PLCG2: variants seen among roughly 807,000 people sequenced by gnomAD.
PLCG2 encodes phospholipase C gamma 2.
PLCG2 carries 69 observed loss-of-function variants against 175.6 expected under a neutral mutation model. That is an observed-to-expected ratio of 0.39 (90% CI 0.32 to 0.48). The LOEUF is 0.48. PLCG2 is among the 20% of genes least tolerant of loss of function. The pLI, the probability that PLCG2 is intolerant of heterozygous loss-of-function variation, is 0.91. For missense variants in PLCG2, 1,798 were observed against 1,650.9 expected, an observed-to-expected ratio of 1.09 and a Z score of -1.54; for synonymous variants, 827 against 624.0, an observed-to-expected ratio of 1.33 and a Z score of -4.85.
At chr16:81,797,523 C>T (rs576474712) in intron 2 of PLCG2, among the ~76,000 whole-genome samples, 1 of 152,302 alleles carries the variant, frequency 6.6e-6, no homozygotes, top group Non-Finnish European at 1.5e-5. Flanking sequence ...TGCTGGGAGG[C>T]CAGGGACCCT....
At chr16:81,932,681 C>G (rs757804174) in intron 25 of PLCG2, among the ~76,000 whole-genome samples, 8 of 152,232 alleles carry the variant, frequency 5.3e-5, no homozygotes, top group Non-Finnish European at 8.8e-5. Context: ...ACTCACTCAA[C>G]TCTTCTGCAG....
intron 1 of PLCG2, among the ~76,000 whole-genome samples, chr16:81,780,200 C>A (rs999955223): frequency 9.2e-5 from 14 of 152,122 alleles, no homozygotes; most frequent in African/African-American, 3.4e-4. Flanking sequence ...GGTGGCCTTG[C>A]CCGTCGGAAC....
chr16:81,869,849 T>C (rs996005318), intron 6 of PLCG2, among the ~76,000 whole-genome samples: 1 of 152,122 alleles, frequency 6.6e-6, no homozygotes, highest in Admixed American at 6.6e-5. Context: ...TGGGATATAG[T>C]AGAGCAGGTG....
intron 2 of PLCG2, among the ~76,000 whole-genome samples, chr16:81,773,479 C>T (rs941839523): frequency 6.6e-6 from 1 of 152,142 alleles, no homozygotes; most frequent in Non-Finnish European, 1.5e-5. Flanking sequence ...GGGTAAGAGG[C>T]AGAGCTGGGA....
chr16:81,858,864 GA>G (rs1906819889), intron 4 of PLCG2, among the ~76,000 whole-genome samples: 1 of 358 alleles, frequency 2.8e-3, no homozygotes, highest in African/African-American at 7.1e-3. Context: ...GCTTTTTGGG[GA>G]TTAAATGACT....
At position 81,934,434 on chromosome 16, in the gene PLCG2, C is replaced by A; in HGVS notation, c.2745C>A (p.Asn915Lys). ...EITWKIDTKE[N>K]NMKYWEKNQS... ...AGACAGTGAACTCCAAACAGGAGAA[C>A]AACATGAAGTACTGGGAGAAGAACC... The change falls in exon 26 of 33, where the codon AAC becomes AAA. Residue 915 changes from asparagine (N) to lysine (K), a missense_variant. Physicochemically the swap from Asn to Lys is moderately conservative, Grantham distance 94. Transcript: ENST00000564138. The A allele has an allele frequency of 6.2e-7, 1 of 1,608,316 alleles. No individual in the cohort carries two copies. Among genetic ancestry groups the A allele is most frequent in the East Asian group, 2.2e-5 (1 of 44,834 alleles).
intron 2 of PLCG2, among the ~76,000 whole-genome samples, chr16:81,810,678 A>G (rs1157873876): frequency 6.6e-6 from 1 of 151,876 alleles, no homozygotes; most frequent in East Asian, 1.9e-4. Flanking sequence ...TGCTCTTTAA[A>G]ATGGCCCTGA....
intron 2 of PLCG2, among the ~76,000 whole-genome samples, chr16:81,849,765 C>G (rs1485931926): frequency 3.8e-5 from 4 of 104,402 alleles, no homozygotes; most frequent in South Asian, 3.2e-4. Context: ...GAGCAAAACT[C>G]TGTCTCAAAA....
At chr16:81,885,399 A>C (rs1429730505) in intron 9 of PLCG2, among the ~76,000 whole-genome samples, 2 of 152,184 alleles carry the variant, frequency 1.3e-5, no homozygotes, top group Non-Finnish European at 2.9e-5. Flanking sequence ...CCTGGGCTCA[A>C]GTGACTCACC....
At chr16:81,752,143 G>A (rs1011710172) in intron 1 of PLCG2, among the ~76,000 whole-genome samples, 2 of 152,136 alleles carry the variant, frequency 1.3e-5, no homozygotes, top group Non-Finnish European at 1.5e-5. Flanking sequence ...CTATGAGCCT[G>A]CTGAGTGCTG....
intron 30 of PLCG2, among the ~76,000 whole-genome samples, chr16:81,944,985 G>C (rs559993229): frequency 4.7e-4 from 71 of 152,252 alleles, no homozygotes; most frequent in African/African-American, 1.6e-3. Context: ...AAAAACATAA[G>C]CCTCCCTTTG....
chr16:81,951,264 C>G (rs1911355370), intron 31 of PLCG2, among the ~76,000 whole-genome samples: 2 of 152,090 alleles, frequency 1.3e-5, no homozygotes, highest in Non-Finnish European at 2.9e-5. Flanking sequence ...GTGTCCAGCC[C>G]TCAAAAGACC....
intron 2 of PLCG2, among the ~76,000 whole-genome samples, chr16:81,807,667 C>G (rs1904287297): frequency 6.6e-6 from 1 of 152,172 alleles, no homozygotes; most frequent in Non-Finnish European, 1.5e-5. Flanking sequence ...CCCAGGGTCA[C>G]TGTATTAGTC....
chr16:81,934,414 G>T lies in PLCG2; in HGVS notation c.2740-15G>T, dbSNP rs746939658. On this transcript the variant is annotated splice_polypyrimidine_tract_variant and intron_variant, in intron 25 of 32. Transcript: ENST00000564138. ...TTCTCGGGGGCGGGCACTAAAGACA[G>T]TGAACTCCAAACAGGAGAACAACAT... 7 of 1,559,024 alleles carry T rather than the reference G, an allele frequency of 4.5e-6. No individual in the cohort carries two copies. The highest frequency in any genetic ancestry group is 3.3e-5 in the Admixed American group (2 of 59,788).
chr16:81,808,310 C>G (rs1370493243), intron 2 of PLCG2, among the ~76,000 whole-genome samples: 1 of 152,044 alleles, frequency 6.6e-6, no homozygotes, highest in Non-Finnish European at 1.5e-5. Flanking sequence ...AACCCCTCCC[C>G]TTAAGTTCCA....
At chr16:81,856,307 C>T (rs1434363670) in intron 3 of PLCG2, among the ~76,000 whole-genome samples, 1 of 152,182 alleles carries the variant, frequency 6.6e-6, no homozygotes, top group Non-Finnish European at 1.5e-5. Flanking sequence ...CTGTTAGCTT[C>T]ATTTTACAGG....
intron 9 of PLCG2, among the ~76,000 whole-genome samples, chr16:81,885,545 T>C (rs1395505811): frequency 6.6e-6 from 1 of 152,236 alleles, no homozygotes; most frequent in East Asian, 1.9e-4. Flanking sequence ...ATTTCTTTGC[T>C]GAAGAATTCT....
intron 2 of PLCG2, among the ~76,000 whole-genome samples, chr16:81,802,728 C>T (rs533033019): frequency 3.9e-5 from 6 of 152,176 alleles, no homozygotes; most frequent in East Asian, 1.9e-4. Flanking sequence ...TGCGCCACCA[C>T]GCCCAGCTGA....
intron 1 of PLCG2, among the ~76,000 whole-genome samples, chr16:81,747,462 G>C (rs1356837272): frequency 6.6e-6 from 1 of 152,188 alleles, no homozygotes; most frequent in Non-Finnish European, 1.5e-5. Flanking sequence ...TTGAACCCGG[G>C]AGGTGGAGGT....
Sources: gnomAD v4.1 joint callset for allele counts (sites outside exome capture counted in the v4.1 genomes callset) on GRCh38, gnomAD v4.1.1 for gene constraint, MANE v1.5 for transcripts, NCBI Gene and HGNC (gene_info 2026-07-23, HGNC 2026-07-21) for gene names.